Variants in JARID2 observed in about 807,000 individuals in gnomAD.
The protein encoded by JARID2 is protein Jumonji.
A neutral mutation model predicts 125.6 loss-of-function variants in JARID2; 21 were observed. The ratio of observed to expected loss-of-function variants is 0.17; its 90% CI spans 0.12 to 0.24. The LOEUF (loss-of-function observed/expected upper bound fraction) is 0.24. JARID2 is among the 10% of genes least tolerant of loss of function. JARID2 has a pLI of 1.00. For missense variants in JARID2, 1,303 were observed against 1,639.6 expected (o/e 0.79, Z 3.55); for synonymous variants, 736 against 661.6 (o/e 1.11, Z -1.73).
At chr6:15,415,564 T>A (rs868237708) in intron 3 of JARID2, among the ~76,000 whole-genome samples, 2 of 135,296 alleles carry the variant, frequency 1.5e-5, no homozygotes, top group African/African-American at 6.3e-5. Flanking sequence ...GCCCCTCACC[T>A]CCCGGACGGG....
intron 1 of JARID2, among the ~76,000 whole-genome samples, chr6:15,345,131 G>A (rs903990699): frequency 3.9e-5 from 6 of 152,094 alleles, no homozygotes; most frequent in Admixed American, 1.3e-4. Flanking sequence ...TTCTAGTATA[G>A]TTTCTTCATT....
intron 1 of JARID2, among the ~76,000 whole-genome samples, chr6:15,290,551 A>G (rs1295163458): frequency 6.6e-6 from 1 of 152,084 alleles, no homozygotes; most frequent in Non-Finnish European, 1.5e-5. Flanking sequence ...CTTTCTGTAC[A>G]CAGTTTGTAG....
At chr6:15,416,574 G>A (rs1766226729) in intron 3 of JARID2, among the ~76,000 whole-genome samples, 1 of 152,186 alleles carries the variant, frequency 6.6e-6, no homozygotes, top group African/African-American at 2.4e-5. Flanking sequence ...TGCAATGGCA[G>A]GCACTCGGCA....
At chr6:15,403,997 G>A (rs1283562020) in intron 2 of JARID2, among the ~76,000 whole-genome samples, 2 of 152,124 alleles carry the variant, frequency 1.3e-5, no homozygotes, top group Admixed American at 6.5e-5. Flanking sequence ...AGCCCTAGTC[G>A]GCTCAGGGGC....
chr6:15,460,567 G>T (rs568481433), intron 4 of JARID2, among the ~76,000 whole-genome samples: 2 of 152,198 alleles, frequency 1.3e-5, no homozygotes, highest in Admixed American at 6.5e-5. Flanking sequence ...AAAGTCCCTG[G>T]TGTCTGTGTC....
At chr6:15,296,214 T>A (rs1299903665) in intron 1 of JARID2, among the ~76,000 whole-genome samples, 6 of 152,204 alleles carry the variant, frequency 3.9e-5, no homozygotes, top group Non-Finnish European at 7.3e-5. Context: ...ATTGTTTTTT[T>A]ATTCTTGGCA....
At chr6:15,410,783 G>A (rs1221087960) in intron 3 of JARID2, among the ~76,000 whole-genome samples, 1 of 152,128 alleles carries the variant, frequency 6.6e-6, no homozygotes, top group African/African-American at 2.4e-5. Context: ...TTCCTTGTCA[G>A]GAAAGCTGAA....
At chr6:15,269,572 ATT>A (rs35174256) in intron 1 of JARID2, among the ~76,000 whole-genome samples, 271 of 135,582 alleles carry the variant, frequency 2.0e-3, no homozygotes, top group South Asian at 6.5e-3. Flanking sequence ...CTATTTTAAA[ATT>A]TTTTTTTTTT....
intron 3 of JARID2, among the ~76,000 whole-genome samples, chr6:15,443,955 C>T (rs767162539): frequency 2.6e-5 from 4 of 152,192 alleles, no homozygotes; most frequent in African/African-American, 2.4e-5. Context: ...GATTTCTTTA[C>T]GCAAATTCCG....
chr6:15,520,623 G>C lies in JARID2; in HGVS notation c.*372G>C, dbSNP rs1771790745. 2 of 265,890 alleles carry C rather than the reference G, an allele frequency of 7.5e-6. No individual in the cohort carries two copies. Among genetic ancestry groups the C allele is most frequent in the Middle Eastern group, 5.4e-4 (1 of 1,856 alleles). The allele number at this position is 265,890 out of a possible 1,614,324, so 16.5% of individuals were successfully genotyped here. A position where few individuals can be genotyped will look rare whatever the true frequency, so the allele number is the denominator to read the frequency against. ...CCCATTTTTGAAGAGGGTGAAGTTT[G>C]GAGAACAAATTTAAAAACCATCAGT... On this transcript the variant is annotated 3_prime_UTR_variant, in exon 18 of 18. Coordinates refer to ENST00000341776, the MANE Select transcript of JARID2 (RefSeq NM_004973.4).
At chr6:15,280,389 C>T (rs1434659000) in intron 1 of JARID2, among the ~76,000 whole-genome samples, 1 of 151,990 alleles carries the variant, frequency 6.6e-6, no homozygotes, top group Non-Finnish European at 1.5e-5. Context: ...TATTCTTGTT[C>T]CTGTAATTTT....
rs191260907 is a variant in JARID2 at position 15,510,537 on chromosome 6, G to A, written c.2847-759G>A. Reference sequence around the variant, plus strand: ...CTTACACTTGAGGACCCCTGCCATGGTTATACCCTGGAGGGTCTGTGAGCC... The same window carrying A: ...CTTACACTTGAGGACCCCTGCCATGATTATACCCTGGAGGGTCTGTGAGCC... On this transcript the variant is annotated intron_variant, in intron 12 of 17. Transcript: ENST00000341776. Among the ~76,000 whole-genome samples the A allele has an allele frequency of 1.1e-4, 16 of 152,308 alleles. No individual in the cohort carries two copies. In the East Asian group the frequency reaches 2.9e-3, roughly 28 times the overall value.
intron 1 of JARID2, among the ~76,000 whole-genome samples, chr6:15,356,789 C>A (rs996118454): frequency 2.0e-5 from 3 of 152,092 alleles, no homozygotes; most frequent in Admixed American, 6.5e-5. Context: ...CCGAGGCAGG[C>A]GGATCACTTG....
chr6:15,369,292 T>C, intron 1 of JARID2: 1 of 462,702 alleles, frequency 2.2e-6, no homozygotes, highest in Non-Finnish European at 4.4e-6. Context: ...CAGTGTTTTT[T>C]ACTAATTTTA....
intron 1 of JARID2, among the ~76,000 whole-genome samples, chr6:15,247,042 G>A (rs903998925): frequency 1.3e-5 from 2 of 152,182 alleles, no homozygotes; most frequent in Non-Finnish European, 2.9e-5. Flanking sequence ...CGATTATGGC[G>A]ATCTTCTCTT....
At chr6:15,393,980 T>C (rs549326191) in intron 2 of JARID2, among the ~76,000 whole-genome samples, 1 of 152,220 alleles carries the variant, frequency 6.6e-6, no homozygotes, top group South Asian at 2.1e-4. Flanking sequence ...ATGTCTAGAT[T>C]TCTGCTTGTT....
Position 15,409,972 on chromosome 6 carries a change from T to TA in JARID2, c.182-251dup, listed in dbSNP as rs200356610. On this transcript the variant is annotated intron_variant, in intron 2 of 17. Coordinates refer to ENST00000341776, the MANE Select transcript of JARID2 (RefSeq NM_004973.4). ...AAAAACGAATCCTGAAGTATAGTGT[T>TA]ACAGTTCCAAATTTCTGCTCAAATT... Among the ~76,000 whole-genome samples, 20 of 152,356 alleles carry TA rather than the reference T, an allele frequency of 1.3e-4. No homozygotes were observed. The East Asian group carries it at 3.9e-3, about 29-fold the overall frequency.
chr6:15,401,166 A>T, intron 2 of JARID2: 2 of 942,318 alleles, frequency 2.1e-6, no homozygotes, highest in Non-Finnish European at 2.8e-6. Context: ...ATATATATAT[A>T]TATATATGAG....
intron 3 of JARID2, among the ~76,000 whole-genome samples, chr6:15,422,673 T>C (rs1375074541): frequency 6.6e-6 from 1 of 152,104 alleles, no homozygotes; most frequent in African/African-American, 2.4e-5. Flanking sequence ...CACTTCTGCT[T>C]CCCCATCAGG....
Sources: allele counts gnomAD v4.1 joint callset (sites outside exome capture counted in the v4.1 genomes callset), GRCh38; gene constraint gnomAD v4.1.1; transcripts MANE v1.5; gene names NCBI Gene and HGNC (gene_info 2026-07-23, HGNC 2026-07-21).